Variants in DHRSX observed in about 807,000 individuals in gnomAD.
DHRSX encodes polyprenol dehydrogenase.
DHRSX carries 31 observed loss-of-function variants against 34.0 expected under a neutral mutation model. The ratio of observed to expected loss-of-function variants is 0.91; its 90% CI spans 0.69 to 1.23. The LOEUF (loss-of-function observed/expected upper bound fraction) is 1.23. Ranked by LOEUF, DHRSX falls within the 50% of genes most tolerant of loss-of-function variation. The pLI is 0.00. For synonymous variants in DHRSX, 201 were observed against 183.8 expected (o/e 1.09, Z -0.76); for missense variants, 414 against 428.1 (o/e 0.97, Z 0.29).
At chrX:2,299,346 G>A (rs1367541307) in intron 3 of DHRSX, among the ~76,000 whole-genome samples, 2 of 152,064 alleles carry the variant, frequency 1.3e-5, no homozygotes, top group Admixed American at 6.6e-5. Flanking sequence ...ATCATATGAA[G>A]ACAGGAGATT....
At chrX:2,437,144 C>G (rs1056548113) in intron 1 of DHRSX, among the ~76,000 whole-genome samples, 1 of 152,044 alleles carries the variant, frequency 6.6e-6, no homozygotes, top group African/African-American at 2.4e-5. Flanking sequence ...ATTACAGGTG[C>G]CCGCCACCAC....
intron 6 of DHRSX, among the ~76,000 whole-genome samples, chrX:2,230,102 T>G (rs2015838258): frequency 1.3e-5 from 2 of 152,196 alleles, no homozygotes; most frequent in African/African-American, 2.4e-5. Flanking sequence ...TCTATGCATG[T>G]GAAGGTGTGT....
Position 2,489,936 on chromosome X carries a change from C to T in DHRSX, c.109+10881G>A, listed in dbSNP as rs146188728. The T allele has an allele frequency of 5.6e-6, 9 of 1,613,784 alleles. No individual in the cohort carries two copies. In the African/African-American group the frequency reaches 6.7e-5, roughly 12 times the overall value. ...TTGGTGGTGGCCCCGAAGACCTTGG[C>T]GCTGATGCCCCACTCGATGAAGACC... On this transcript the variant is annotated intron_variant, in intron 1 of 6. Transcript: ENST00000334651.
intron 3 of DHRSX, among the ~76,000 whole-genome samples, chrX:2,337,597 G>C (rs2042584927): frequency 6.6e-6 from 1 of 152,010 alleles, no homozygotes; most frequent in Non-Finnish European, 1.5e-5. Flanking sequence ...AGACACTTGA[G>C]CCTCAGGATC....
intron 3 of DHRSX, among the ~76,000 whole-genome samples, chrX:2,328,365 CTG>C (rs2042414946): frequency 6.6e-6 from 1 of 151,836 alleles, no homozygotes; most frequent in Non-Finnish European, 1.5e-5. Flanking sequence ...TGGGACAACC[CTG>C]TGAGGACACA....
chrX:2,318,876 C>T (rs1373671075), intron 3 of DHRSX, among the ~76,000 whole-genome samples: 6 of 152,020 alleles, frequency 3.9e-5, no homozygotes, highest in Admixed American at 3.9e-4. Context: ...GCACAAGATC[C>T]AAGAACCCTC....
rs1159991841 is a variant in DHRSX at position 2,331,436 on chromosome X, G to GTTTTTTTTTTTTTTTTTTT, written c.287-39852_287-39834dup. On this transcript the variant is annotated intron_variant, in intron 3 of 6. Coordinates refer to ENST00000334651, the MANE Select transcript of DHRSX (RefSeq NM_145177.3). ...GGAATCCTTTCAGGAAGGTTTTTTG[G>GTTTTTTTTTTTTTTTTTTT]TTTTTTTTTTTTTTTTTTTTTTTTT... is the stretch of plus-strand genomic sequence containing the variant. Among the ~76,000 whole-genome samples the GTTTTTTTTTTTTTTTTTTT allele has an allele frequency of 8.5e-5, 8 of 94,656 alleles. 1 individual carries two copies. Among genetic ancestry groups the GTTTTTTTTTTTTTTTTTTT allele is most frequent in the Admixed American group, 1.4e-4 (1 of 7,090 alleles). 62.1% of individuals were successfully genotyped at this position (94,656 alleles called of 152,430 possible).
rs1429659149 is a variant in DHRSX, at chrX:2,347,754, A to G, written c.287-56151T>C. On this transcript the variant is annotated intron_variant, in intron 3 of 6. Coordinates refer to ENST00000334651, the MANE Select transcript of DHRSX (RefSeq NM_145177.3). ...CCATATGAGATGTAATGAGCTGTAC[A>G]TTTTCCCAGGCATTTAATGCCTTTT... 7.2e-5 allele frequency among the ~76,000 whole-genome samples: 11 copies of G among 152,100 alleles called. 1 individual carries two copies. Among genetic ancestry groups the G allele is most frequent in the African/African-American group, 4.8e-5 (2 of 41,422 alleles).
At chrX:2,306,082 T>G (rs1200553819) in intron 3 of DHRSX, among the ~76,000 whole-genome samples, 1 of 152,194 alleles carries the variant, frequency 6.6e-6, no homozygotes, top group Non-Finnish European at 1.5e-5. Context: ...TTTATCTATG[T>G]ACAATCCTGC....
At chrX:2,415,075 C>G (rs2043677325) in intron 2 of DHRSX, among the ~76,000 whole-genome samples, 5 of 151,956 alleles carry the variant, frequency 3.3e-5, no homozygotes, top group Admixed American at 3.3e-4. Flanking sequence ...CTTAATCCAA[C>G]TAGATCTCAT....
At chrX:2,470,366 A>G (rs1402441114) in intron 1 of DHRSX, among the ~76,000 whole-genome samples, 1 of 151,408 alleles carries the variant, frequency 6.6e-6, no homozygotes, top group African/African-American at 2.4e-5. Flanking sequence ...GTTTGAGACA[A>G]GCCTGGGTAA....
intron 1 of DHRSX, among the ~76,000 whole-genome samples, chrX:2,470,057 A>G (rs976420123): frequency 7.9e-5 from 12 of 151,930 alleles, no homozygotes; most frequent in African/African-American, 2.7e-4. Context: ...ACAGTGGAAT[A>G]GTATGCAGCC....
rs777834727 is a variant in DHRSX at position 2,266,696 on chromosome X, AC to A, written c.596+43del. On this transcript the variant is annotated intron_variant, in intron 5 of 6. Transcript: ENST00000334651. ...GACAGAGGGAGATGAATAACCTTTA[AC>A]CCACCTGAGATGCTGTTATGATTAT... The A allele has an allele frequency of 7.0e-6, 11 of 1,581,460 alleles. No individual in the cohort carries two copies. In the African/African-American group the frequency reaches 1.3e-4, roughly 19 times the overall value.
At chrX:2,319,614 TTTCTC>T (rs1487374117) in intron 3 of DHRSX, among the ~76,000 whole-genome samples, 3 of 151,834 alleles carry the variant, frequency 2.0e-5, no homozygotes, top group Admixed American at 6.6e-5. Flanking sequence ...AGTAAAATAT[TTTCTC>T]TTCTCTTCCT....
chrX:2,411,313 A>G (rs1341921583), intron 2 of DHRSX, among the ~76,000 whole-genome samples: 1 of 151,938 alleles, frequency 6.6e-6, no homozygotes, highest in African/African-American at 2.4e-5. Flanking sequence ...GGATTTGGGA[A>G]GCCGAGGCAA....
chrX:2,388,305 C>G (rs1343812286), intron 3 of DHRSX, among the ~76,000 whole-genome samples: 2 of 152,074 alleles, frequency 1.3e-5, no homozygotes, highest in African/African-American at 2.4e-5. Flanking sequence ...AGATCCTCAC[C>G]CCTAGGACTT....
intron 1 of DHRSX, among the ~76,000 whole-genome samples, chrX:2,442,454 G>A (rs1364537287): frequency 1.3e-5 from 2 of 150,504 alleles, no homozygotes; most frequent in Non-Finnish European, 2.9e-5. Flanking sequence ...AATATATTAT[G>A]GGTGTCTATG....
intron 6 of DHRSX, among the ~76,000 whole-genome samples, chrX:2,224,850 GCA>G (rs1449632118): frequency 2.7e-5 from 4 of 150,586 alleles, no homozygotes; most frequent in Admixed American, 6.6e-5. Flanking sequence ...TCATTCACAT[GCA>G]CACAAATTCG....
intron 2 of DHRSX, among the ~76,000 whole-genome samples, chrX:2,421,862 A>C (rs1461076712): frequency 1.3e-5 from 2 of 152,228 alleles, no homozygotes; most frequent in Non-Finnish European, 2.9e-5. Context: ...GATGTAATGC[A>C]TACAATGATG....
Sources: gnomAD v4.1 joint callset for allele counts (sites outside exome capture counted in the v4.1 genomes callset) on GRCh38, gnomAD v4.1.1 for gene constraint, MANE v1.5 for transcripts, NCBI Gene and HGNC (gene_info 2026-07-23, HGNC 2026-07-21) for gene names.